The following RTN3 variants were observed in gnomAD, a reference collection of about 807,000 sequenced individuals.
RTN3 encodes reticulon 3, also known as reticulon-3.
Under a neutral mutation model 77.8 loss-of-function variants are expected in RTN3, and 49 were observed. The observed-to-expected ratio is 0.63, with a 90% confidence interval of 0.50 to 0.80. The LOEUF (loss-of-function observed/expected upper bound fraction) is 0.80. Ranked by LOEUF, RTN3 falls within the 30% of genes least tolerant of loss-of-function variation. The pLI, the probability that RTN3 is intolerant of heterozygous loss-of-function variation, is 0.00. For synonymous variants in RTN3, 464 were observed against 446.9 expected (o/e 1.04, Z -0.48); for missense variants, 1,236 against 1,211.9 (o/e 1.02, Z -0.29).
At chr11:63,686,120 G>A (rs868545209) in intron 1 of RTN3, among the ~76,000 whole-genome samples, 2 of 152,162 alleles carry the variant, frequency 1.3e-5, no homozygotes, top group South Asian at 2.1e-4. Context: ...ATAGAGACAC[G>A]TCTATCATCT....
chr11:63,702,263 C>CT (rs1942272150), intron 1 of RTN3, among the ~76,000 whole-genome samples: 1 of 148,466 alleles, frequency 6.7e-6, no homozygotes, highest in African/African-American at 2.5e-5. Context: ...ATTTTATGTT[C>CT]TTAGTGTGTG....
rs753057560 is a variant in RTN3, at chr11:63,720,481, A to C, written c.1979A>C (p.Glu660Ala). 14 of 1,613,222 alleles carry C rather than the reference A, an allele frequency of 8.7e-6. No homozygotes were observed. The East Asian group carries it at 3.1e-4, about 36-fold the overall frequency. The change falls in exon 3 of 9, where the codon GAA becomes GCA. Residue 660 changes from glutamate (E) to alanine (A), a missense_variant. Physicochemically the swap from Glu to Ala is moderately radical, Grantham distance 107. Around this residue, in one of 3 missense-constraint regions of RTN3, gnomAD observed 1,056 missense variants for 990.4 expected, o/e 1.07. Coordinates refer to ENST00000377819, the MANE Select transcript of RTN3 (RefSeq NM_001265589.2). The stretch of plus-strand genomic sequence containing the variant: ...GAGGACCTGATAGCAGCCTTTACAG[A>C]AACCAGAGATAAAGGAATAGTAGAT... The part of the protein sequence containing the change: ...SPEDLIAAFT[E>A]TRDKGIVDSE...
chr11:63,752,702 A>G, intron 5 of RTN3, 57 bp downstream of exon 5: 46 of 1,564,914 alleles, frequency 2.9e-5, no homozygotes, highest in Non-Finnish European at 4.0e-5. Context: ...ACTGGGTTAT[A>G]ATTTGGAGGA....
intron 3 of RTN3, chr11:63,746,946 G>T (rs1052170549): frequency 4.4e-6 from 2 of 455,868 alleles, no homozygotes; most frequent in Non-Finnish European, 8.8e-6. Flanking sequence ...CCCTTTTCCA[G>T]AGTCCAGTCT....
chr11:63,721,504 G>T (rs1168307974), intron 3 of RTN3, among the ~76,000 whole-genome samples: 1 of 151,356 alleles, frequency 6.6e-6, no homozygotes, highest in Non-Finnish European at 1.5e-5. Context: ...AAACCCGGGA[G>T]GCAGAGCTTG....
rs574928960 is a variant in RTN3 at position 63,697,117 on chromosome 11, C to T, written c.143-7734C>T. ...GCCAAGGTGGTCTTGATCTCCTGAC[C>T]TCGTGATCTGTCCGCCTCGGCCTCC... On this transcript the variant is annotated intron_variant, in intron 1 of 8. Transcript: ENST00000377819. Among the ~76,000 whole-genome samples the T allele has an allele frequency of 7.9e-5, 12 of 151,824 alleles. No individual in the cohort carries two copies. The South Asian group carries it at 2.3e-3, about 29-fold the overall frequency.
intron 3 of RTN3, 81 bp from the exon 4 acceptor site, chr11:63,749,910 C>T: frequency 9.9e-7 from 1 of 1,005,348 alleles, no homozygotes; most frequent in Non-Finnish European, 1.5e-6. Context: ...TATTTGTGTG[C>T]TAATGTGAGG....
chr11:63,736,775 G>T lies in RTN3; in HGVS notation c.2531-13216G>T, dbSNP rs958351283. Reference sequence around the variant, plus strand: ...TTATATAAGGGACTTGGGCTTCCATGGATTTTTATATCCTTGGGGATCCTG... The same window carrying T: ...TTATATAAGGGACTTGGGCTTCCATTGATTTTTATATCCTTGGGGATCCTG... On this transcript the variant is annotated intron_variant, in intron 3 of 8. Coordinates refer to ENST00000377819, the MANE Select transcript of RTN3 (RefSeq NM_001265589.2). Among the ~76,000 whole-genome samples, 7 of 152,260 alleles carry T rather than the reference G, an allele frequency of 4.6e-5. No individual in the cohort carries two copies. In the South Asian group the frequency reaches 1.0e-3, roughly 23 times the overall value.
At chr11:63,744,650 C>T (rs1461720569) in intron 3 of RTN3, among the ~76,000 whole-genome samples, 2 of 152,136 alleles carry the variant, frequency 1.3e-5, no homozygotes, top group Non-Finnish European at 2.9e-5. Flanking sequence ...TAGTACATAA[C>T]TGTACTATAC....
chr11:63,743,332 T>C (rs1474192550), intron 3 of RTN3, among the ~76,000 whole-genome samples: 1 of 152,214 alleles, frequency 6.6e-6, no homozygotes, highest in Non-Finnish European at 1.5e-5. Context: ...ATTACCTTTA[T>C]CAAGTTGAGG....
At chr11:63,722,787 T>TA (rs2011914433) in intron 3 of RTN3, among the ~76,000 whole-genome samples, 1 of 152,204 alleles carries the variant, frequency 6.6e-6, no homozygotes, top group African/African-American at 2.4e-5. Flanking sequence ...TCAGTTTTAA[T>TA]ATCTGTAAAG....
intron 8 of RTN3, among the ~76,000 whole-genome samples, chr11:63,757,722 CT>C (rs71039672): frequency 0.6 from 64,031 of 105,946 alleles, 18,244 homozygotes; most frequent in East Asian, 0.89. Flanking sequence ...TTCTTTTTTT[CT>C]TTTTTTTTTT....
intron 3 of RTN3, among the ~76,000 whole-genome samples, chr11:63,724,733 C>T (rs972365481): frequency 1.3e-5 from 2 of 152,052 alleles, no homozygotes; most frequent in South Asian, 2.1e-4. Context: ...CCTCGTGATC[C>T]GCCCGCCTTG....
At chr11:63,745,564 T>C (rs754951382) in intron 3 of RTN3, among the ~76,000 whole-genome samples, 1 of 152,182 alleles carries the variant, frequency 6.6e-6, no homozygotes, top group South Asian at 2.1e-4. Context: ...TTGAACCATC[T>C]TTTCCAAGCT....
chr11:63,683,972 T>TTTTTTTTTTTTTTTTTTTTTA (rs1375625604), intron 1 of RTN3, among the ~76,000 whole-genome samples: 4 of 136,054 alleles, frequency 2.9e-5, no homozygotes, highest in Non-Finnish European at 6.4e-5. Context: ...TTTTTTTTTT[T>TTTTTTTTTTTTTTTTTTTTTA]AGACAAGGTC....
At chr11:63,724,172 T>C (rs1009527154) in intron 3 of RTN3, among the ~76,000 whole-genome samples, 1 of 146,758 alleles carries the variant, frequency 6.8e-6, no homozygotes, top group Non-Finnish European at 1.5e-5. Context: ...TTTTAGGAAT[T>C]CTTTTTTTTT....
At chr11:63,753,524 G>C (rs2014210786) in intron 6 of RTN3, 138 bp from the exon 7 acceptor site, 1 of 774,930 alleles carries the variant, frequency 1.3e-6, no homozygotes, top group Non-Finnish European at 2.1e-6. Context: ...AATTGGGAGT[G>C]CTAACCAGGA....
At chr11:63,693,846 G>A (rs531837978) in intron 1 of RTN3, among the ~76,000 whole-genome samples, 2 of 151,990 alleles carry the variant, frequency 1.3e-5, no homozygotes, top group South Asian at 4.2e-4. Flanking sequence ...CTCTGGCCGG[G>A]CACAGTGGCT....
In RTN3 at chr11:63,704,877, C is replaced by G; in HGVS notation, c.169C>G (p.Gln57Glu). 6.2e-7 allele frequency: 1 copy of G among 1,612,120 alleles called. No homozygotes were observed. The highest frequency in any genetic ancestry group is 8.5e-7 in the Non-Finnish European group (1 of 1,178,418). ...ADSFVSSSSSQPVSLFSTSQE... is the reference protein window; with the variant it reads ...ADSFVSSSSSEPVSLFSTSQE... Reference sequence around the variant, plus strand: ...TTCCTTTGTTTCTTCCTCTTCCTCTCAGCCTGTATCTCTATTTTCGACCTC... The same window carrying G: ...TTCCTTTGTTTCTTCCTCTTCCTCTGAGCCTGTATCTCTATTTTCGACCTC... Residue 57 changes from glutamine to glutamate, a missense_variant, in exon 2 of 9, where the codon CAG (glutamine) becomes GAG (glutamate). Transcript: ENST00000377819.
Sources: gnomAD v4.1 joint callset for allele counts (sites outside exome capture counted in the v4.1 genomes callset) on GRCh38, gnomAD v4.1.1 for gene constraint, gnomAD v4.1.1 regional missense constraint, MANE v1.5 for transcripts, NCBI Gene and HGNC (gene_info 2026-07-23, HGNC 2026-07-21) for gene names.